Variants in RANBP2 observed in about 807,000 individuals in gnomAD.
The protein encoded by RANBP2 is RAN binding protein 2, also known as E3 SUMO-protein ligase RanBP2.
RANBP2 carries 57 observed loss-of-function variants against 303.6 expected under a neutral mutation model. The observed-to-expected ratio is 0.19, with a 90% CI of 0.15 to 0.23. The LOEUF is 0.23. Among genes scored for constraint, RANBP2 ranks in the 10% least tolerant of loss-of-function variants. The pLI, the probability that RANBP2 is intolerant of heterozygous loss-of-function variation, is 1.00. For synonymous variants in RANBP2, 1,167 were observed against 1,301.5 expected, an observed-to-expected ratio of 0.90 and a Z score of 2.23; for missense variants, 3,138 against 3,780.8, an observed-to-expected ratio of 0.83 and a Z score of 4.46.
chr2:109,621,140 AGTT>A, the RANBP2 span, among the ~76,000 whole-genome samples: 3 of 152,198 alleles, frequency 2.0e-5, no homozygotes, highest in South Asian at 6.2e-4. Context: ...GAATCATATA[AGTT>A]GTTGGTTTGT....
chr2:109,489,479 C>T, the RANBP2 span, among the ~76,000 whole-genome samples: 1 of 152,238 alleles, frequency 6.6e-6, no homozygotes, highest in East Asian at 1.9e-4. Flanking sequence ...ACCTGTCCTA[C>T]AAAGTCCACT....
At chr2:109,688,559 G>A in the RANBP2 span, among the ~76,000 whole-genome samples, 2 of 151,866 alleles carry the variant, frequency 1.3e-5, no homozygotes, top group African/African-American at 2.4e-5. Flanking sequence ...GGTGGATCAC[G>A]AGGTCAAGAG....
At chr2:109,466,587 A>G in the RANBP2 span, among the ~76,000 whole-genome samples, 213 of 152,242 alleles carry the variant, frequency 1.4e-3, 1 homozygote, top group Middle Eastern at 6.8e-3. Context: ...ATTTTCATGG[A>G]GCCCAATTTA....
At chr2:108,971,651 G>A in the RANBP2 span, among the ~76,000 whole-genome samples, 3 of 152,218 alleles carry the variant, frequency 2.0e-5, no homozygotes, top group Non-Finnish European at 4.4e-5. Context: ...TTTTATGGAA[G>A]AAGAAACTGA....
chr2:109,055,486 C>T, the RANBP2 span, among the ~76,000 whole-genome samples: 2 of 151,204 alleles, frequency 1.3e-5, no homozygotes, highest in Admixed American at 1.3e-4. Flanking sequence ...CTCAGCCTCT[C>T]GAGTAGCAGG....
chr2:109,030,530 G>A, the RANBP2 span, among the ~76,000 whole-genome samples: 2 of 152,174 alleles, frequency 1.3e-5, no homozygotes, highest in African/African-American at 4.8e-5. Context: ...GAAAGAATGG[G>A]CCTCACTGTC....
the RANBP2 span, among the ~76,000 whole-genome samples, chr2:109,218,291 C>T: frequency 1.3e-5 from 2 of 152,180 alleles, no homozygotes; most frequent in Non-Finnish European, 2.9e-5. Context: ...GGCTCTCTTG[C>T]CCCCGTTTTT....
chr2:109,374,779 C>T, the RANBP2 span, among the ~76,000 whole-genome samples: 1 of 152,358 alleles, frequency 6.6e-6, no homozygotes, highest in East Asian at 1.9e-4. Flanking sequence ...GGGTTCTACC[C>T]AGCGCACAGC....
chr2:109,264,837 G>A, the RANBP2 span, among the ~76,000 whole-genome samples: 2 of 152,226 alleles, frequency 1.3e-5, no homozygotes, highest in African/African-American at 2.4e-5. Flanking sequence ...TTTCTGGAGT[G>A]TGCTATTTTC....
chr2:109,426,421 C>G, the RANBP2 span, among the ~76,000 whole-genome samples: 270 of 152,246 alleles, frequency 1.8e-3, 1 homozygote, highest in African/African-American at 6.2e-3. Flanking sequence ...GTGGTTGGTT[C>G]AAGACTTCAG....
chr2:109,608,754 G>T, the RANBP2 span, among the ~76,000 whole-genome samples: 2 of 152,100 alleles, frequency 1.3e-5, no homozygotes, highest in Non-Finnish European at 2.9e-5. Flanking sequence ...CCTTAAATCA[G>T]TAGTAGATAC....
the RANBP2 span, among the ~76,000 whole-genome samples, chr2:109,011,987 G>T: frequency 6.6e-6 from 1 of 152,138 alleles, no homozygotes; most frequent in African/African-American, 2.4e-5. Flanking sequence ...GGACACTAAT[G>T]CCAGTGTGAT....
At chr2:109,187,022 C>T in the RANBP2 span, among the ~76,000 whole-genome samples, 9,469 of 150,010 alleles carry the variant, frequency 0.063, 497 homozygotes, top group Non-Finnish European at 0.1. Context: ...GGGCCTAGCC[C>T]TGGCACCCCA....
chr2:109,149,359 A>G, the RANBP2 span, among the ~76,000 whole-genome samples: 1 of 152,338 alleles, frequency 6.6e-6, no homozygotes, highest in African/African-American at 2.4e-5. Flanking sequence ...ATCAAGAGTC[A>G]AGTGTCTGGC....
the RANBP2 span, among the ~76,000 whole-genome samples, chr2:109,032,598 G>C: frequency 6.6e-6 from 1 of 152,150 alleles, no homozygotes; most frequent in South Asian, 2.1e-4. Context: ...GGGTGGGGTG[G>C]GGGAGTCTTT....
At chr2:109,154,819 C>G in the RANBP2 span, among the ~76,000 whole-genome samples, 1 of 152,162 alleles carries the variant, frequency 6.6e-6, no homozygotes, top group Non-Finnish European at 1.5e-5. Flanking sequence ...TGCATAGAGC[C>G]TTCTGAAGCC....
chr2:109,402,964 G>A, the RANBP2 span, among the ~76,000 whole-genome samples: 1 of 152,152 alleles, frequency 6.6e-6, no homozygotes. Context: ...GCACTGTGCT[G>A]TCCAACGCAT....
At chr2:109,505,262 G>T in the RANBP2 span, among the ~76,000 whole-genome samples, 1 of 152,194 alleles carries the variant, frequency 6.6e-6, no homozygotes, top group Non-Finnish European at 1.5e-5. Flanking sequence ...CCTGATCCAT[G>T]CCTGGAACCA....
chr2:108,941,724 A>C, the RANBP2 span, among the ~76,000 whole-genome samples: 1 of 152,140 alleles, frequency 6.6e-6, no homozygotes, highest in Admixed American at 6.5e-5. Context: ...CCCTCAACCC[A>C]AGCCTTCTCT....
Sources: allele counts gnomAD v4.1 joint callset (sites outside exome capture counted in the v4.1 genomes callset), GRCh38; gene constraint gnomAD v4.1.1; transcripts MANE v1.5; gene names NCBI Gene and HGNC (gene_info 2026-07-23, HGNC 2026-07-21).